IGF2BP3: variants seen among roughly 807,000 people sequenced by gnomAD.
IGF2BP3 encodes the protein insulin like growth factor 2 mRNA binding protein 3.
In IGF2BP3, 9 loss-of-function variants were observed where a neutral mutation model predicts 73.8. The ratio of observed to expected loss-of-function variants is 0.12; its 90% confidence interval spans 0.07 to 0.21. The LOEUF (loss-of-function observed/expected upper bound fraction) is 0.21. Ranked by LOEUF, IGF2BP3 falls within the 10% of genes least tolerant of loss-of-function variation. The pLI is 1.00. For synonymous variants in IGF2BP3, 258 were observed against 256.7 expected, an observed-to-expected ratio of 1.01 and a Z score of -0.05; for missense variants, 542 against 714.0, an observed-to-expected ratio of 0.76 and a Z score of 2.75.
chr7:23,311,776 C>G lies in IGF2BP3; in HGVS notation c.*586G>C, dbSNP rs1241040677. 1 of 152,540 alleles carries G rather than the reference C, an allele frequency of 6.6e-6. No homozygotes were observed. The highest frequency in any genetic ancestry group is 1.5e-5 in the Non-Finnish European group (1 of 68,024). The allele number at this position is 152,540 out of a possible 1,614,324, so 9.4% of individuals were successfully genotyped here. On this transcript the variant is annotated 3_prime_UTR_variant, in exon 15 of 15. Coordinates refer to ENST00000258729, the MANE Select transcript of IGF2BP3 (RefSeq NM_006547.3). Reference sequence around the variant, plus strand: ...AAAAAAAAGGAACAATTTTGCTTTTCATTGTATTACTGAATACCTGAGGTA... The same window carrying G: ...AAAAAAAAGGAACAATTTTGCTTTTGATTGTATTACTGAATACCTGAGGTA...
At chr7:23,420,834 C>G (rs1787324080) in intron 2 of IGF2BP3, among the ~76,000 whole-genome samples, 1 of 152,088 alleles carries the variant, frequency 6.6e-6, no homozygotes, top group East Asian at 1.9e-4. Context: ...GTAAAATATA[C>G]CAAAGAAATA....
chr7:23,451,961 A>G (rs1788209488), intron 2 of IGF2BP3, among the ~76,000 whole-genome samples: 1 of 150,334 alleles, frequency 6.7e-6, no homozygotes, highest in Middle Eastern at 3.2e-3. Flanking sequence ...AAAGGAATAT[A>G]TGGTTAGAAT....
chr7:23,376,767 C>A (rs1785736872), intron 3 of IGF2BP3, among the ~76,000 whole-genome samples: 2 of 152,090 alleles, frequency 1.3e-5, no homozygotes, highest in Admixed American at 1.3e-4. Flanking sequence ...ACACGACAGG[C>A]TGAGGCAGGA....
At chr7:23,334,618 G>C (rs1352659267) in intron 10 of IGF2BP3, among the ~76,000 whole-genome samples, 2 of 152,200 alleles carry the variant, frequency 1.3e-5, no homozygotes, top group African/African-American at 4.8e-5. Flanking sequence ...GGGACTGAAG[G>C]ATGTTCACAG....
At position 23,317,732 on chromosome 7, in the gene IGF2BP3, C is replaced by A; in HGVS notation, c.1321-19G>T. Reference sequence around the variant, plus strand: ...GAGCAATCTGTAACAGACCCAACAACAAGTTATGATACTTTCAGGTATCAC... The same window carrying A: ...GAGCAATCTGTAACAGACCCAACAAAAAGTTATGATACTTTCAGGTATCAC... On this transcript the variant is annotated intron_variant, in intron 11 of 14. Coordinates refer to ENST00000258729, the MANE Select transcript of IGF2BP3 (RefSeq NM_006547.3). 2.5e-6 allele frequency: 4 copies of A among 1,604,692 alleles called. No homozygotes were observed. The highest frequency in any genetic ancestry group is 3.4e-6 in the Non-Finnish European group (4 of 1,171,310).
chr7:23,359,314 A>G (rs549594239), intron 5 of IGF2BP3, among the ~76,000 whole-genome samples: 1 of 152,272 alleles, frequency 6.6e-6, no homozygotes, highest in Admixed American at 6.5e-5. Flanking sequence ...CTTTATCCCT[A>G]CCAAAGTTCA....
intron 11 of IGF2BP3, among the ~76,000 whole-genome samples, chr7:23,318,260 T>C (rs1415128020): frequency 1.3e-5 from 2 of 152,186 alleles, no homozygotes; most frequent in Non-Finnish European, 2.9e-5. Context: ...TCTTACTGTG[T>C]GGCCTAGGCT....
chr7:23,406,392 G>A (rs958366198), intron 3 of IGF2BP3, among the ~76,000 whole-genome samples: 3 of 152,082 alleles, frequency 2.0e-5, no homozygotes, highest in Non-Finnish European at 2.9e-5. Flanking sequence ...TCTCGGTCTC[G>A]CTGACTTCAA....
intron 2 of IGF2BP3, among the ~76,000 whole-genome samples, chr7:23,422,461 G>A (rs1360345225): frequency 1.3e-5 from 2 of 152,114 alleles, no homozygotes; most frequent in African/African-American, 4.8e-5. Context: ...ATGCTGAGGT[G>A]GGAGAATCAC....
At chr7:23,411,984 C>CT (rs767524257) in intron 3 of IGF2BP3, among the ~76,000 whole-genome samples, 5,157 of 104,738 alleles carry the variant, frequency 0.049, 401 homozygotes, top group African/African-American at 0.12. Context: ...ACTTATTTCT[C>CT]TTTTTTTTTT....
In IGF2BP3 at chr7:23,431,822, C is replaced by T. The variant is rs375348959; in HGVS notation, c.237-12998G>A. Among the ~76,000 whole-genome samples the T allele has an allele frequency of 3.2e-3, 491 of 151,390 alleles. 5 individuals are homozygous for T. The highest frequency in any genetic ancestry group is 0.011 in the African/African-American group (451 of 41,234). On this transcript the variant is annotated intron_variant, in intron 2 of 14. Transcript: ENST00000258729. ...GGGCAGGGGAACTTGGCCCCTCCCC[C>T]GCCAACCCACACACACACATTCTCT...
At chr7:23,361,659 C>T (rs1364391812) in intron 4 of IGF2BP3, 31 bp downstream of exon 4, 1 of 1,613,660 alleles carries the variant, frequency 6.2e-7, no homozygotes, top group Non-Finnish European at 8.5e-7. Context: ...CTTCCTTTTA[C>T]AAATTTGAAA....
At chr7:23,366,047 T>C (rs1785362045) in intron 3 of IGF2BP3, 1 of 152,204 alleles carries the variant, frequency 6.6e-6, no homozygotes, top group Non-Finnish European at 1.5e-5. Context: ...CATTAAAATT[T>C]TCACTGCATA....
chr7:23,428,481 A>G (rs1410620687), intron 2 of IGF2BP3, among the ~76,000 whole-genome samples: 2 of 150,892 alleles, frequency 1.3e-5, no homozygotes, highest in African/African-American at 4.9e-5. Flanking sequence ...CAAAAAAAGA[A>G]AAAAATATTA....
chr7:23,393,163 C>G (rs756928538), intron 3 of IGF2BP3, among the ~76,000 whole-genome samples: 2 of 152,122 alleles, frequency 1.3e-5, no homozygotes, highest in Non-Finnish European at 2.9e-5. Context: ...AGTGGCCTTC[C>G]AGAAGGACCC....
At chr7:23,313,947 T>C (rs62468195) in intron 12 of IGF2BP3, among the ~76,000 whole-genome samples, 40 of 152,336 alleles carry the variant, frequency 2.6e-4, no homozygotes, top group Non-Finnish European at 5.3e-4. Flanking sequence ...CGAATTTTTG[T>C]GGGCAAATGG....
intron 10 of IGF2BP3, among the ~76,000 whole-genome samples, chr7:23,328,672 G>A (rs79793010): frequency 4.6e-5 from 7 of 152,134 alleles, no homozygotes; most frequent in Non-Finnish European, 1.0e-4. Flanking sequence ...TCTGAAAATA[G>A]CAAGAATTTG....
Position 23,376,540 on chromosome 7 carries a change from GA to G in IGF2BP3, c.286-14800del, listed in dbSNP as rs763360484. ...ACAGAGTAAGGCTCCATCTCCCAAA[GA>G]AAAAAAAAAAAAAAAAAGAAAGAAA... On this transcript the variant is annotated intron_variant, in intron 3 of 14. Coordinates refer to ENST00000258729, the MANE Select transcript of IGF2BP3 (RefSeq NM_006547.3). Among the ~76,000 whole-genome samples the G allele has an allele frequency of 6.0e-3, 528 of 88,706 alleles. 4 individuals are homozygous for G. Among genetic ancestry groups the G allele is most frequent in the East Asian group, 0.011 (24 of 2,278 alleles). 58.2% of individuals were successfully genotyped at this position (88,706 alleles called of 152,430 possible).
intron 3 of IGF2BP3, among the ~76,000 whole-genome samples, chr7:23,379,845 G>A (rs1785850244): frequency 2.0e-5 from 3 of 152,074 alleles, no homozygotes; most frequent in African/African-American, 7.2e-5. Context: ...GCTTATATTT[G>A]GTCCCTACAA....
Sources: gnomAD v4.1 joint callset for allele counts (sites outside exome capture counted in the v4.1 genomes callset) on GRCh38, gnomAD v4.1.1 for gene constraint, MANE v1.5 for transcripts, NCBI Gene and HGNC (gene_info 2026-07-23, HGNC 2026-07-21) for gene names.